Variants in PPM1L observed in about 807,000 individuals in gnomAD.
PPM1L encodes protein phosphatase 1L.
Under a neutral mutation model 31.4 loss-of-function variants are expected in PPM1L, and 13 were observed. That is an observed-to-expected ratio of 0.41 (90% CI 0.27 to 0.66). PPM1L has a LOEUF of 0.66. Ranked by LOEUF, PPM1L falls within the 30% of genes least tolerant of loss-of-function variation. PPM1L has a pLI of 0.29. For synonymous variants in PPM1L, 184 were observed against 175.4 expected, an observed-to-expected ratio of 1.05 and a Z score of -0.39; for missense variants, 326 against 453.7, an observed-to-expected ratio of 0.72 and a Z score of 2.56.
At position 161,036,331 on chromosome 3, in the gene PPM1L, C is replaced by G. The variant is rs186180011; in HGVS notation, c.575-29072C>G. 2.6e-5 allele frequency among the ~76,000 whole-genome samples: 4 copies of G among 152,262 alleles called. No individual in the cohort carries two copies. In the East Asian group the frequency reaches 7.7e-4, roughly 29 times the overall value. On this transcript the variant is annotated intron_variant, in intron 2 of 3. Transcript: ENST00000498165. ...CCCTGTGGAAGTTAATAGCATGGCC[C>G]TTGGAACCAGATTACCTAGATTCAA...
intron 2 of PPM1L, among the ~76,000 whole-genome samples, chr3:161,046,345 T>C (rs968044336): frequency 4.0e-5 from 6 of 150,984 alleles, no homozygotes; most frequent in African/African-American, 1.5e-4. Flanking sequence ...CTAGAAAAAA[T>C]TGATAAATTC....
chr3:160,888,370 G>A (rs762928436), intron 1 of PPM1L, among the ~76,000 whole-genome samples: 2 of 152,034 alleles, frequency 1.3e-5, no homozygotes, highest in Non-Finnish European at 2.9e-5. Flanking sequence ...AAGAAAGCAG[G>A]GGTTTCAATC....
intron 1 of PPM1L, among the ~76,000 whole-genome samples, chr3:160,933,649 A>G (rs866665740): frequency 1.3e-5 from 2 of 152,082 alleles, no homozygotes; most frequent in African/African-American, 4.8e-5. Context: ...GCATGCAAAT[A>G]GAAAGCATAC....
intron 2 of PPM1L, among the ~76,000 whole-genome samples, chr3:161,043,564 A>C (rs1718970558): frequency 6.6e-6 from 1 of 152,244 alleles, no homozygotes; most frequent in East Asian, 1.9e-4. Flanking sequence ...GGTGGTGCCC[A>C]GAGTACTGGA....
At chr3:160,779,936 C>T (rs982979008) in intron 1 of PPM1L, among the ~76,000 whole-genome samples, 1 of 151,852 alleles carries the variant, frequency 6.6e-6, no homozygotes, top group Non-Finnish European at 1.5e-5. Context: ...TAGTATGTAC[C>T]TCATAGGACT....
chr3:161,068,982 G>A lies in PPM1L; in HGVS notation c.908G>A (p.Gly303Asp). The A allele has an allele frequency of 1.9e-6, 3 of 1,614,200 alleles. No homozygotes were observed. Among genetic ancestry groups the A allele is most frequent in the Non-Finnish European group, 2.5e-6 (3 of 1,180,036 alleles). ...GAGTTCATGATCTTGGCATCAGATG[G>A]TCTCTGGGATGCTTTCAGCAATGAA... is the stretch of plus-strand genomic sequence containing the variant. ...QPEFMILASD[G>D]LWDAFSNEEA... Residue 303 changes from glycine (G) to aspartate (D), a missense_variant, in exon 4 of 4, where the codon GGT becomes GAT. Gly to Asp is a moderately conservative substitution (Grantham distance 94). Coordinates refer to ENST00000498165, the MANE Select transcript of PPM1L (RefSeq NM_139245.4).
chr3:161,035,986 AC>A (rs1718730230), intron 2 of PPM1L: 1 of 152,238 alleles, frequency 6.6e-6, no homozygotes, highest in South Asian at 2.1e-4. Flanking sequence ...AAAAGGGGAA[AC>A]AGTATACCAG....
chr3:160,928,488 G>A (rs1312416093), intron 1 of PPM1L, among the ~76,000 whole-genome samples: 1 of 152,188 alleles, frequency 6.6e-6, no homozygotes, highest in African/African-American at 2.4e-5. Flanking sequence ...GTAAGGATCA[G>A]CGTTTGGAGC....
At chr3:160,838,427 A>G (rs1713779483) in intron 1 of PPM1L, among the ~76,000 whole-genome samples, 1 of 152,156 alleles carries the variant, frequency 6.6e-6, no homozygotes, top group Non-Finnish European at 1.5e-5. Flanking sequence ...CCAAGGAAAC[A>G]TAGCATGTTT....
At chr3:160,814,635 G>A (rs556669026) in intron 1 of PPM1L, among the ~76,000 whole-genome samples, 1 of 147,984 alleles carries the variant, frequency 6.8e-6, no homozygotes, top group East Asian at 2.0e-4. Context: ...ATGTATGTAT[G>A]TGTATATATA....
Position 161,030,362 on chromosome 3 carries a change from C to T in PPM1L, c.575-35041C>T, listed in dbSNP as rs560937850. 9.2e-5 allele frequency among the ~76,000 whole-genome samples: 14 copies of T among 152,226 alleles called. No individual in the cohort carries two copies. In the South Asian group the frequency reaches 2.5e-3, roughly 27 times the overall value. Reference sequence around the variant, plus strand: ...TGTTTGTTCGTTTATTAATTTGCCCCTCTGCCTTTTCCACCATGAGAGGAT... The same window carrying T: ...TGTTTGTTCGTTTATTAATTTGCCCTTCTGCCTTTTCCACCATGAGAGGAT... On this transcript the variant is annotated intron_variant, in intron 2 of 3. Transcript: ENST00000498165.
chr3:160,825,912 C>A (rs1713345309), intron 1 of PPM1L, among the ~76,000 whole-genome samples: 1 of 152,118 alleles, frequency 6.6e-6, no homozygotes, highest in Non-Finnish European at 1.5e-5. Flanking sequence ...ATCATTGTCC[C>A]TTCTCATTCT....
chr3:160,946,974 T>C (rs1242200649), intron 1 of PPM1L, among the ~76,000 whole-genome samples: 1 of 152,176 alleles, frequency 6.6e-6, no homozygotes, highest in African/African-American at 2.4e-5. Context: ...TTCTACATGC[T>C]ATAGCAAAGA....
At chr3:160,936,534 A>G (rs1371432844) in intron 1 of PPM1L, among the ~76,000 whole-genome samples, 4 of 152,246 alleles carry the variant, frequency 2.6e-5, no homozygotes, top group Non-Finnish European at 4.4e-5. Context: ...TCGGATGTTT[A>G]GTATTCCCAA....
chr3:161,025,708 G>A (rs994451702), intron 2 of PPM1L, among the ~76,000 whole-genome samples: 1 of 152,122 alleles, frequency 6.6e-6, no homozygotes, highest in African/African-American at 2.4e-5. Context: ...CCAGCCTCCA[G>A]AACTGTGAGA....
At chr3:160,925,941 A>G (rs1215631350) in intron 1 of PPM1L, among the ~76,000 whole-genome samples, 1 of 152,204 alleles carries the variant, frequency 6.6e-6, no homozygotes, top group Non-Finnish European at 1.5e-5. Context: ...TAGCTGTAGT[A>G]TAAGCTAATC....
At position 161,055,244 on chromosome 3, in the gene PPM1L, C is replaced by T. The variant is rs1021089347; in HGVS notation, c.575-10159C>T. ...GGCATTGATTATTAGAAGAAAGACT[C>T]GTAAAAACCTCTAGGCAGGTCAGAT... On this transcript the variant is annotated intron_variant, in intron 2 of 3. Coordinates refer to ENST00000498165, the MANE Select transcript of PPM1L (RefSeq NM_139245.4). Among the ~76,000 whole-genome samples the T allele has an allele frequency of 2.0e-5, 3 of 152,124 alleles. 1 individual carries two copies. The highest frequency in any genetic ancestry group is 4.1e-4 in the South Asian group (2 of 4,820).
chr3:160,799,102 A>C (rs76574577), intron 1 of PPM1L, among the ~76,000 whole-genome samples: 5,088 of 152,312 alleles, frequency 0.033, 111 homozygotes, highest in South Asian at 0.052. Flanking sequence ...TGAGCAAAGA[A>C]AGTGGTTTCT....
intron 1 of PPM1L, among the ~76,000 whole-genome samples, chr3:160,939,108 TAG>T (rs529729718): frequency 6.6e-6 from 1 of 152,160 alleles, no homozygotes; most frequent in Admixed American, 6.5e-5. Context: ...GTTCAACATA[TAG>T]AGAGTTTTCA....
Sources: allele counts gnomAD v4.1 joint callset (sites outside exome capture counted in the v4.1 genomes callset), GRCh38; gene constraint gnomAD v4.1.1; transcripts MANE v1.5; gene names NCBI Gene and HGNC (gene_info 2026-07-23, HGNC 2026-07-21).